Variants in OR51B5 observed in about 807,000 individuals in gnomAD.
The protein encoded by OR51B5 is olfactory receptor family 51 subfamily B member 5, also known as olfactory receptor 51B5.
For missense variants in OR51B5, 456 were observed against 374.6 expected, an observed-to-expected ratio of 1.22 and a Z score of -1.79; for synonymous variants, 186 against 144.8, an observed-to-expected ratio of 1.28 and a Z score of -2.04.
intron 1 of OR51B5, among the ~76,000 whole-genome samples, chr11:5,385,822 A>AT (rs1849683565): frequency 6.7e-6 from 1 of 149,032 alleles, no homozygotes; most frequent in South Asian, 2.1e-4. Flanking sequence ...TAAAGTATAT[A>AT]AAGAATATAT....
In OR51B5 at chr11:5,417,131, G is replaced by A. The variant is rs1365415387; in HGVS notation, n.85-70221C>T. On this transcript the variant is annotated intron_variant and non_coding_transcript_variant, in intron 1 of 4. Transcript: ENST00000415970. Reference sequence around the variant, plus strand: ...CCCTCAGAAATAACACCGCATATCTGCAACTATCTGATCTTTGACAAACCT... The same window carrying A: ...CCCTCAGAAATAACACCGCATATCTACAACTATCTGATCTTTGACAAACCT... Among the ~76,000 whole-genome samples the A allele has an allele frequency of 9.9e-5, 15 of 152,086 alleles. No individual in the cohort carries two copies. In the East Asian group the frequency reaches 1.7e-3, roughly 18 times the overall value.
intron 1 of OR51B5, chr11:5,453,452 G>A: frequency 7.0e-7 from 1 of 1,421,292 alleles, no homozygotes; most frequent in Non-Finnish European, 9.5e-7. Flanking sequence ...CAAGTCAGAA[G>A]ATCTGACTCT....
At chr11:5,432,313 A>T (rs1850545711) in intron 1 of OR51B5, among the ~76,000 whole-genome samples, 1 of 152,160 alleles carries the variant, frequency 6.6e-6, no homozygotes, top group Non-Finnish European at 1.5e-5. Context: ...ATAGCTTAAA[A>T]ATTAAGAGCA....
intron 1 of OR51B5, chr11:5,468,517 A>G (rs1851173019): frequency 2.7e-6 from 1 of 371,606 alleles, no homozygotes; most frequent in South Asian, 2.0e-5. Flanking sequence ...CATCTTGTGT[A>G]GTCTCCTGCG....
intron 1 of OR51B5, among the ~76,000 whole-genome samples, chr11:5,423,382 A>G (rs1428700649): frequency 6.6e-6 from 1 of 152,232 alleles, no homozygotes; most frequent in Non-Finnish European, 1.5e-5. Flanking sequence ...CTTAGCAGCT[A>G]TCCCAACGGG....
intron 1 of OR51B5, among the ~76,000 whole-genome samples, chr11:5,364,383 T>G (rs1460488784): frequency 6.6e-6 from 1 of 152,162 alleles, no homozygotes. Flanking sequence ...AAGGCTATGA[T>G]GCAGTTTAGG....
In OR51B5 at chr11:5,427,099, G is replaced by C. The variant is rs114122677; in HGVS notation, n.84+78470C>G. ...TTCTTTTGAGTTATTCATTTCCCCT[G>C]GAAATTATTTACTACCCCTCACAAT... is the stretch of plus-strand genomic sequence containing the variant. On this transcript the variant is annotated intron_variant and non_coding_transcript_variant, in intron 1 of 4. Coordinates refer to the OR51B5 transcript ENST00000415970. 8.4e-3 allele frequency among the ~76,000 whole-genome samples: 1,281 copies of C among 152,136 alleles called. 20 individuals are homozygous for C. The highest frequency in any genetic ancestry group is 0.03 in the African/African-American group (1,228 of 41,514).
chr11:5,370,192 TTTATTA>T (rs1331925383), intron 1 of OR51B5, among the ~76,000 whole-genome samples: 1 of 152,246 alleles, frequency 6.6e-6, no homozygotes, highest in Non-Finnish European at 1.5e-5. Context: ...CATCAATGTA[TTTATTA>T]TTATCATTAA....
intron 1 of OR51B5, among the ~76,000 whole-genome samples, chr11:5,499,990 G>C (rs1222005280): frequency 6.6e-6 from 1 of 152,184 alleles, no homozygotes; most frequent in Non-Finnish European, 1.5e-5. Flanking sequence ...TTGGCAAATA[G>C]GCTCTAGAGT....
At chr11:5,360,786 A>C (rs1437676724) in intron 1 of OR51B5, among the ~76,000 whole-genome samples, 2 of 148,306 alleles carry the variant, frequency 1.3e-5, no homozygotes, top group Non-Finnish European at 3.0e-5. Flanking sequence ...CGTGGCACAT[A>C]TACACCATGG....
At chr11:5,393,135 T>C (rs1849821700) in intron 1 of OR51B5, 1 of 152,230 alleles carries the variant, frequency 6.6e-6, no homozygotes, top group African/African-American at 2.4e-5. Context: ...TGTAAGCTGT[T>C]TGTGGCAAAA....
At chr11:5,489,905 A>G (rs1158868028) in intron 1 of OR51B5, among the ~76,000 whole-genome samples, 1 of 152,200 alleles carries the variant, frequency 6.6e-6, no homozygotes, top group East Asian at 1.9e-4. Flanking sequence ...ACTTGTCTTA[A>G]AAGTGTCTGT....
intron 1 of OR51B5, among the ~76,000 whole-genome samples, chr11:5,353,610 G>A (rs576221705): frequency 4.6e-5 from 7 of 152,336 alleles, no homozygotes; most frequent in African/African-American, 1.7e-4. Flanking sequence ...CCTATGGCCA[G>A]GTGAAGAGCC....
chr11:5,471,464 C>T (rs938195641), intron 1 of OR51B5, among the ~76,000 whole-genome samples: 1 of 151,908 alleles, frequency 6.6e-6, no homozygotes, highest in Non-Finnish European at 1.5e-5. Flanking sequence ...GGTGAAACCC[C>T]GTCTCTACTA....
At chr11:5,499,999 G>A (rs981192548) in intron 1 of OR51B5, among the ~76,000 whole-genome samples, 1 of 152,222 alleles carries the variant, frequency 6.6e-6, no homozygotes, top group African/African-American at 2.4e-5. Context: ...AGGCTCTAGA[G>A]TGCTGATGTG....
rs895605872 is a variant in OR51B5, at chr11:5,413,040, T to C, written n.85-66130A>G. On this transcript the variant is annotated intron_variant and non_coding_transcript_variant, in intron 1 of 4. Transcript: ENST00000415970. ...AGCCTTACTGGGAGGCACCCCCCAGTAGGGCAGACTGACACCTCACACGGC... is the reference window on the plus strand; with the variant it reads ...AGCCTTACTGGGAGGCACCCCCCAGCAGGGCAGACTGACACCTCACACGGC... Among the ~76,000 whole-genome samples, 25 of 46,912 alleles carry C rather than the reference T, an allele frequency of 5.3e-4. No homozygotes were observed. In the South Asian group the frequency reaches 0.014, roughly 27 times the overall value. The allele number at this position is 46,912 out of a possible 152,430, so 30.8% of individuals were successfully genotyped here. A position where few individuals can be genotyped will look rare whatever the true frequency, so the allele number is the denominator to read the frequency against.
At chr11:5,390,102 A>G in intron 1 of OR51B5, 1 of 1,613,764 alleles carries the variant, frequency 6.2e-7, no homozygotes, top group Non-Finnish European at 8.5e-7. Flanking sequence ...CTCATCCTGC[A>G]CACAGTAGCA....
intron 1 of OR51B5, among the ~76,000 whole-genome samples, chr11:5,472,654 G>T (rs1851245401): frequency 6.6e-6 from 1 of 152,140 alleles, no homozygotes; most frequent in Admixed American, 6.5e-5. Context: ...AGTTTCAAAG[G>T]AATTGAGAAT....
chr11:5,436,835 CAA>C (rs957961734), intron 1 of OR51B5, among the ~76,000 whole-genome samples: 16 of 152,216 alleles, frequency 1.1e-4, no homozygotes, highest in Middle Eastern at 6.8e-3. Context: ...ACAGACTGAT[CAA>C]AGTGTCTTGA....
Sources: allele counts gnomAD v4.1 joint callset (sites outside exome capture counted in the v4.1 genomes callset), GRCh38; gene constraint gnomAD v4.1.1; transcripts MANE v1.5; gene names NCBI Gene and HGNC (gene_info 2026-07-23, HGNC 2026-07-21).